The following SOX6 variants were observed in gnomAD, a reference collection of about 807,000 sequenced individuals.
SOX6 encodes the protein SRY-box transcription factor 6, also known as transcription factor SOX-6.
A neutral mutation model predicts 97.8 loss-of-function variants in SOX6; 11 were observed. The ratio of observed to expected loss-of-function variants is 0.11; its 90% CI spans 0.07 to 0.19. SOX6 has a LOEUF of 0.19. Among genes scored for constraint, SOX6 ranks in the 10% least tolerant of loss-of-function variants. The pLI is 1.00. For synonymous variants in SOX6, 360 were observed against 371.4 expected, an observed-to-expected ratio of 0.97 and a Z score of 0.35; for missense variants, 810 against 1,039.5, an observed-to-expected ratio of 0.78 and a Z score of 3.04.
intron 9 of SOX6, among the ~76,000 whole-genome samples, chr11:16,090,664 G>A (rs1653158647): frequency 6.6e-6 from 1 of 151,936 alleles, no homozygotes; most frequent in South Asian, 2.1e-4. Flanking sequence ...AAAGGAGCTT[G>A]GGTCCCAGAT....
chr11:16,659,644 T>C (rs560810136), intron 3 of SOX6, among the ~76,000 whole-genome samples: 122 of 152,358 alleles, frequency 8.0e-4, no homozygotes, highest in African/African-American at 2.8e-3. Context: ...GCTGGCCACA[T>C]AGCATAAGTT....
intron 3 of SOX6, among the ~76,000 whole-genome samples, chr11:16,254,860 C>CA (rs1251547188): frequency 6.6e-6 from 1 of 151,540 alleles, no homozygotes; most frequent in African/African-American, 2.4e-5. Context: ...AAATAAGACC[C>CA]AACTATATAT....
intron 7 of SOX6, among the ~76,000 whole-genome samples, chr11:16,098,581 G>A (rs1222071757): frequency 1.3e-5 from 2 of 151,752 alleles, no homozygotes; most frequent in Non-Finnish European, 2.9e-5. Flanking sequence ...TCATGACAGA[G>A]GTAACTGAAA....
chr11:16,692,796 C>T (rs1848026108), intron 3 of SOX6, among the ~76,000 whole-genome samples: 1 of 152,148 alleles, frequency 6.6e-6, no homozygotes, highest in African/African-American at 2.4e-5. Flanking sequence ...TTGTATCCTA[C>T]TTTCATAGAA....
At chr11:16,233,675 G>A (rs1028409210) in intron 4 of SOX6, among the ~76,000 whole-genome samples, 9 of 151,986 alleles carry the variant, frequency 5.9e-5, no homozygotes, top group African/African-American at 2.2e-4. Context: ...GCCTATGAAG[G>A]AAATACTTGT....
At chr11:16,228,440 A>C (rs1303223502) in intron 4 of SOX6, among the ~76,000 whole-genome samples, 1 of 152,114 alleles carries the variant, frequency 6.6e-6, no homozygotes, top group Non-Finnish European at 1.5e-5. Context: ...ACATATGAAA[A>C]AATGGTAGGG....
rs532156962 is a variant in SOX6 at position 16,326,381 on chromosome 11, G to T, written c.238-7728C>A. 6.6e-5 allele frequency among the ~76,000 whole-genome samples: 10 copies of T among 151,766 alleles called. No homozygotes were observed. In the East Asian group the frequency reaches 1.9e-3, roughly 29 times the overall value. On this transcript the variant is annotated intron_variant, in intron 2 of 15. Transcript: ENST00000683767. ...ACCAAATTCTACATCTTCACTTTCA[G>T]CAGGAAAAAAACAACACTCAGCAGG...
At chr11:16,621,847 A>T (rs1354052246) in intron 3 of SOX6, among the ~76,000 whole-genome samples, 1 of 152,214 alleles carries the variant, frequency 6.6e-6, no homozygotes, top group Admixed American at 6.5e-5. Context: ...ATATGCAAAG[A>T]TTCTCATGAA....
intron 4 of SOX6, among the ~76,000 whole-genome samples, chr11:16,585,233 A>G (rs555785928): frequency 6.6e-6 from 1 of 152,314 alleles, no homozygotes; most frequent in South Asian, 2.1e-4. Context: ...CCTTAAATAA[A>G]GTATTTTGAA....
intron 4 of SOX6, among the ~76,000 whole-genome samples, chr11:16,551,453 A>AAAGTG (rs1299756923): frequency 1.3e-5 from 2 of 152,170 alleles, no homozygotes; most frequent in African/African-American, 4.8e-5. Flanking sequence ...AATAAAAGGC[A>AAAGTG]AAGATTTTCA....
chr11:16,203,315 GA>G (rs1851988106), intron 4 of SOX6, among the ~76,000 whole-genome samples: 1 of 118,884 alleles, frequency 8.4e-6, no homozygotes, highest in Non-Finnish European at 1.8e-5. Context: ...TCATGGCAGG[GA>G]AAAAAAAGGA....
chr11:16,227,564 A>C (rs2134166038), intron 4 of SOX6, among the ~76,000 whole-genome samples: 1 of 152,188 alleles, frequency 6.6e-6, no homozygotes. Flanking sequence ...ACTGGGACTA[A>C]AGGTGCGCCT....
At chr11:16,067,944 A>T (rs936581564) in intron 9 of SOX6, among the ~76,000 whole-genome samples, 1 of 152,214 alleles carries the variant, frequency 6.6e-6, no homozygotes, top group African/African-American at 2.4e-5. Flanking sequence ...ACTGAAAGAC[A>T]TTATCTCTTA....
In SOX6 at chr11:16,668,370, C is replaced by CA. The variant is rs202123012; in HGVS notation, n.429+46459dup. Reference sequence around the variant, plus strand: ...TCTGGGTGACACAGGGAGACTCCATCAAAAAAAATCAATCAATCAATAAAT... The same window carrying CA: ...TCTGGGTGACACAGGGAGACTCCATCAAAAAAAAATCAATCAATCAATAAAT... On this transcript the variant is annotated intron_variant and non_coding_transcript_variant, in intron 3 of 5. Transcript: ENST00000524520. Among the ~76,000 whole-genome samples, 1,266 of 150,968 alleles carry CA rather than the reference C, an allele frequency of 8.4e-3. 18 individuals carry two copies. The highest frequency in any genetic ancestry group is 0.029 in the African/African-American group (1,206 of 41,166).
intron 4 of SOX6, among the ~76,000 whole-genome samples, chr11:16,591,318 C>CATAGATAGATAGATAGATAGACAGATAG (rs1848148080): frequency 1.6e-5 from 2 of 123,444 alleles, no homozygotes; most frequent in African/African-American, 3.1e-5. Context: ...TGGTTAGATA[C>CATAGATAGATAGATAGATAGACAGATAG]ATAGATAGAT....
At chr11:16,575,194 A>G (rs1242430661) in intron 4 of SOX6, among the ~76,000 whole-genome samples, 2 of 152,212 alleles carry the variant, frequency 1.3e-5, no homozygotes, top group African/African-American at 4.8e-5. Flanking sequence ...AAACCATGGT[A>G]AGACAACATT....
At chr11:16,378,938 A>T (rs66906527) in intron 1 of SOX6, among the ~76,000 whole-genome samples, 47,159 of 151,864 alleles carry the variant, frequency 0.31, 8,291 homozygotes, top group Non-Finnish European at 0.4. Flanking sequence ...TATTCTAAAT[A>T]TTTTTTATAT....
chr11:16,586,437 C>G (rs999831545), intron 4 of SOX6, among the ~76,000 whole-genome samples: 3 of 152,184 alleles, frequency 2.0e-5, no homozygotes, highest in African/African-American at 4.8e-5. Context: ...AGCCAACCAT[C>G]AGTGACCTTC....
intron 3 of SOX6, among the ~76,000 whole-genome samples, chr11:16,250,907 T>G (rs1853489961): frequency 6.6e-6 from 1 of 152,094 alleles, no homozygotes; most frequent in African/African-American, 2.4e-5. Flanking sequence ...CTCATATAGA[T>G]CACATGTTGA....
Sources: allele counts gnomAD v4.1 joint callset (sites outside exome capture counted in the v4.1 genomes callset), GRCh38; gene constraint gnomAD v4.1.1; transcripts MANE v1.5; gene names NCBI Gene and HGNC (gene_info 2026-07-23, HGNC 2026-07-21).